The following SIMC1 variants were observed in gnomAD, a reference collection of about 807,000 sequenced individuals.
SIMC1 encodes the protein SUMO-interacting motif-containing protein 1.
In SIMC1, 55 loss-of-function variants were observed where a neutral mutation model predicts 82.3. The ratio of observed to expected loss-of-function variants is 0.67; its 90% CI spans 0.54 to 0.84. SIMC1 has a LOEUF of 0.84. Ranked by LOEUF, SIMC1 falls within the 40% of genes least tolerant of loss-of-function variation. The probability of loss-of-function intolerance (pLI) is 0.00; values close to 1 mark genes in which losing one functional copy is unlikely to be tolerated. For missense variants in SIMC1, 915 were observed against 1,107.2 expected, an observed-to-expected ratio of 0.83 and a Z score of 2.46; for synonymous variants, 353 against 426.3, an observed-to-expected ratio of 0.83 and a Z score of 2.12.
At chr5:176,279,180 A>T (rs1303628207) in intron 1 of SIMC1, among the ~76,000 whole-genome samples, 1 of 152,092 alleles carries the variant, frequency 6.6e-6, no homozygotes, top group East Asian at 1.9e-4. Flanking sequence ...TAGTGTTGGG[A>T]GAGTGTATGT....
chr5:176,324,708 G>A lies in SIMC1; in HGVS notation c.2122G>A (p.Ala708Thr). 3 of 1,603,252 alleles carry A rather than the reference G, an allele frequency of 1.9e-6. No homozygotes were observed. Among genetic ancestry groups the A allele is most frequent in the Non-Finnish European group, 2.6e-6 (3 of 1,174,728 alleles). The change falls in exon 7 of 10, where the codon GCC (alanine) becomes ACC (threonine). Residue 708 changes from alanine (A) to threonine (T), a missense_variant. Around this residue, in one of 2 missense-constraint regions of SIMC1, gnomAD observed 902 missense variants for 1,040.3 expected, o/e 0.87. Transcript: ENST00000429602. ...CCCCACCTGCAGCTCCAATAAAATTGCCGAGATGATGTTTGGGTTTGTGCT... is the reference window on the plus strand; with the variant it reads ...CCCCACCTGCAGCTCCAATAAAATTACCGAGATGATGTTTGGGTTTGTGCT... Reference protein sequence around the residue: ...RTPTCSSNKIAEMMFGFVLDI... With the variant: ...RTPTCSSNKITEMMFGFVLDI...
At chr5:176,247,135 T>G (rs1206237704) in intron 1 of SIMC1, among the ~76,000 whole-genome samples, 2 of 152,134 alleles carry the variant, frequency 1.3e-5, no homozygotes, top group Non-Finnish European at 2.9e-5. Flanking sequence ...GTAATGGGAT[T>G]GCTGGGTCAA....
chr5:176,339,500 C>T (rs528569602), intron 9 of SIMC1, among the ~76,000 whole-genome samples: 211 of 152,292 alleles, frequency 1.4e-3, no homozygotes, highest in African/African-American at 4.7e-3. Context: ...TGTGTTCTTA[C>T]CCTCAGTGAG....
chr5:176,257,532 G>T (rs1761885693), intron 1 of SIMC1, among the ~76,000 whole-genome samples: 1 of 152,088 alleles, frequency 6.6e-6, no homozygotes, highest in Non-Finnish European at 1.5e-5. Context: ...AGGTGCCACA[G>T]ACTCAAACAA....
chr5:176,325,409 G>A (rs1765347063), intron 7 of SIMC1, among the ~76,000 whole-genome samples: 1 of 148,638 alleles, frequency 6.7e-6, no homozygotes, highest in African/African-American at 2.5e-5. Context: ...ATAAAGGCCG[G>A]CTGTGGTGGC....
At chr5:176,314,467 T>G (rs1764812775) in intron 5 of SIMC1, among the ~76,000 whole-genome samples, 1 of 152,108 alleles carries the variant, frequency 6.6e-6, no homozygotes, top group East Asian at 1.9e-4. Context: ...ATATAAAACT[T>G]TTCAGTTTTT....
chr5:176,294,425 C>T (rs1287019063), intron 2 of SIMC1, among the ~76,000 whole-genome samples: 2 of 152,002 alleles, frequency 1.3e-5, no homozygotes, highest in Admixed American at 1.3e-4. Flanking sequence ...ACTACAGTTG[C>T]GTGCCACCAC....
intron 4 of SIMC1, among the ~76,000 whole-genome samples, chr5:176,306,072 CG>C (rs1561711631): frequency 3.0e-5 from 2 of 66,240 alleles, no homozygotes; most frequent in Non-Finnish European, 6.8e-5. Flanking sequence ...CCGCTCCGTC[CG>C]GGAGGTGAGG....
At chr5:176,342,043 T>G (rs1008105304) in intron 9 of SIMC1, among the ~76,000 whole-genome samples, 9 of 152,198 alleles carry the variant, frequency 5.9e-5, no homozygotes, top group African/African-American at 1.4e-4. Flanking sequence ...AACATTTGCT[T>G]CTTTAACTTT....
chr5:176,296,134 A>G, intron 3 of SIMC1, 117 bp from the exon 4 acceptor site: 2 of 1,543,068 alleles, frequency 1.3e-6, no homozygotes, highest in Non-Finnish European at 1.8e-6. Flanking sequence ...GAAAGTGAGC[A>G]AGAGCATGGA....
intron 1 of SIMC1, among the ~76,000 whole-genome samples, chr5:176,258,307 A>G (rs1386827946): frequency 3.3e-5 from 5 of 151,626 alleles, no homozygotes; most frequent in Non-Finnish European, 7.4e-5. Context: ...TGAGGTAGGT[A>G]GTATTATTAT....
chr5:176,322,438 C>A lies in SIMC1; in HGVS notation c.2042+13C>A, dbSNP rs1488197138. On this transcript the variant is annotated intron_variant, in intron 6 of 9. Coordinates refer to ENST00000429602, the MANE Select transcript of SIMC1 (RefSeq NM_001308195.2). ...ACACCAATCAGCTGTAAGGGGCAGGCAGTTCTCTTTCCTGGGGCTCTTGGG... is the reference window on the plus strand; with the variant it reads ...ACACCAATCAGCTGTAAGGGGCAGGAAGTTCTCTTTCCTGGGGCTCTTGGG... The A allele has an allele frequency of 1.2e-6, 2 of 1,604,000 alleles. No individual in the cohort carries two copies. The highest frequency in any genetic ancestry group is 2.7e-5 in the African/African-American group (2 of 74,772).
chr5:176,291,429 C>T (rs1432401033), intron 2 of SIMC1, among the ~76,000 whole-genome samples: 1 of 149,932 alleles, frequency 6.7e-6, no homozygotes, highest in Non-Finnish European at 1.5e-5. Context: ...CTCCGCCTCC[C>T]GGGTTCACGT....
At position 176,345,228 on chromosome 5, in the gene SIMC1, A is replaced by G; in HGVS notation, c.2459A>G (p.Lys820Arg). ...SVIDRKDLIIKRIKPKPQQGD... is the reference protein window; with the variant it reads ...SVIDRKDLIIRRIKPKPQQGD... The stretch of plus-strand genomic sequence containing the variant: ...ATCGACCGAAAGGACTTAATAATCA[A>G]AAGGATTAAGCCCAAACCCCAGCAA... The change falls in exon 10 of 10, where the codon AAA becomes AGA. Residue 820 changes from lysine (K) to arginine (R), a missense_variant. Physicochemically the swap from Lys to Arg is conservative, Grantham distance 26. This residue lies in a region of SIMC1 where 902 missense variants were observed against 1,040.3 expected (regional missense o/e 0.87). Coordinates refer to ENST00000429602, the MANE Select transcript of SIMC1 (RefSeq NM_001308195.2). 2 of 1,613,986 alleles carry G rather than the reference A, an allele frequency of 1.2e-6. No individual in the cohort carries two copies. Among genetic ancestry groups the G allele is most frequent in the Non-Finnish European group, 8.5e-7 (1 of 1,179,880 alleles).
chr5:176,245,742 G>A (rs555055811), intron 1 of SIMC1, among the ~76,000 whole-genome samples: 2 of 152,280 alleles, frequency 1.3e-5, no homozygotes, highest in East Asian at 3.9e-4. Flanking sequence ...AACTATGTGT[G>A]TATTCAGGGA....
At chr5:176,309,404 C>T (rs999441200) in intron 4 of SIMC1, among the ~76,000 whole-genome samples, 2 of 152,156 alleles carry the variant, frequency 1.3e-5, no homozygotes, top group African/African-American at 4.8e-5. Context: ...AAATGCAATA[C>T]ATAAAACTAT....
At chr5:176,324,908 G>A (rs1428709112) in intron 7 of SIMC1, among the ~76,000 whole-genome samples, 151 bp downstream of exon 7, 5 of 152,110 alleles carry the variant, frequency 3.3e-5, no homozygotes, top group African/African-American at 9.7e-5. Context: ...ATTAAGATAG[G>A]AAGAAAATAG....
At chr5:176,256,864 T>C (rs978510637) in intron 1 of SIMC1, among the ~76,000 whole-genome samples, 8 of 152,148 alleles carry the variant, frequency 5.3e-5, no homozygotes, top group African/African-American at 1.9e-4. Flanking sequence ...GCCTCAAGTC[T>C]CCTGAGTAGG....
chr5:176,335,595 A>G (rs1263255322), intron 7 of SIMC1, among the ~76,000 whole-genome samples: 1 of 149,380 alleles, frequency 6.7e-6, no homozygotes, highest in Non-Finnish European at 1.5e-5. Flanking sequence ...TAAATTTTTA[A>G]TTTGAATTGC....
Sources: gnomAD v4.1 joint callset for allele counts (sites outside exome capture counted in the v4.1 genomes callset) on GRCh38, gnomAD v4.1.1 for gene constraint, gnomAD v4.1.1 regional missense constraint, MANE v1.5 for transcripts, NCBI Gene and HGNC (gene_info 2026-07-23, HGNC 2026-07-21) for gene names.